Variants in CDK14 observed in about 807,000 individuals in gnomAD.
The protein encoded by CDK14 is cyclin-dependent kinase 14.
CDK14 carries 34 observed loss-of-function variants against 60.7 expected under a neutral mutation model. The observed-to-expected ratio is 0.56, with a 90% CI of 0.43 to 0.75. The LOEUF (loss-of-function observed/expected upper bound fraction) is 0.75, where lower values mean the gene tolerates loss of function less well. Among genes scored for constraint, CDK14 ranks in the 30% least tolerant of loss-of-function variants. The probability of loss-of-function intolerance (pLI) is 0.00; values close to 1 mark genes in which losing one functional copy is unlikely to be tolerated. For missense variants in CDK14, 482 were observed against 564.1 expected, an observed-to-expected ratio of 0.85 and a Z score of 1.47; for synonymous variants, 197 against 203.7, an observed-to-expected ratio of 0.97 and a Z score of 0.28.
chr7:91,139,777 T>TTTCTTTCC (rs1800391468), intron 14 of CDK14, among the ~76,000 whole-genome samples: 1 of 95,122 alleles, frequency 1.1e-5, no homozygotes, highest in Non-Finnish European at 2.5e-5. Flanking sequence ...TCTTTTCTTT[T>TTTCTTTCC]TTTCTTTCCT....
intron 10 of CDK14, among the ~76,000 whole-genome samples, chr7:91,008,145 AC>A (rs367589488): frequency 0.048 from 6,391 of 133,430 alleles, 723 homozygotes; most frequent in African/African-American, 0.057. Flanking sequence ...AAAAAAAAAA[AC>A]AAACAAAAAA....
At chr7:90,730,530 G>A (rs1802821095) in intron 3 of CDK14, among the ~76,000 whole-genome samples, 1 of 151,956 alleles carries the variant, frequency 6.6e-6, no homozygotes, top group Admixed American at 6.5e-5. Context: ...GTTTCCTGAT[G>A]TTTCAATGAT....
intron 2 of CDK14, among the ~76,000 whole-genome samples, chr7:90,724,960 G>A (rs183617220): frequency 6.6e-6 from 1 of 151,932 alleles, no homozygotes; most frequent in African/African-American, 2.4e-5. Flanking sequence ...ATGACTAGAG[G>A]ACTCTGCCTT....
intron 2 of CDK14, chr7:90,716,275 G>C (rs1342260743): frequency 6.6e-6 from 1 of 151,918 alleles, no homozygotes. Flanking sequence ...CACCAAAGGA[G>C]GACCTGTTTT....
chr7:90,786,456 TTA>T (rs1805586439), intron 4 of CDK14, among the ~76,000 whole-genome samples: 1 of 152,234 alleles, frequency 6.6e-6, no homozygotes, highest in Admixed American at 6.5e-5. Context: ...AACGTTTGAA[TTA>T]TATGTTTGAA....
At chr7:90,864,174 T>A (rs1030911105) in intron 6 of CDK14, among the ~76,000 whole-genome samples, 35 of 152,270 alleles carry the variant, frequency 2.3e-4, no homozygotes, top group Admixed American at 2.0e-3. Context: ...ATTTTGCTTA[T>A]GTCTGCCTGT....
chr7:91,048,970 G>A (rs1797313072), intron 11 of CDK14, among the ~76,000 whole-genome samples: 1 of 152,020 alleles, frequency 6.6e-6, no homozygotes, highest in Non-Finnish European at 1.5e-5. Context: ...GACCTTCCAG[G>A]TTCAAGTGAT....
intron 9 of CDK14, among the ~76,000 whole-genome samples, chr7:90,963,124 T>TGTGTGTGTG (rs1562847414): frequency 4.6e-5 from 7 of 150,672 alleles, no homozygotes; most frequent in South Asian, 2.1e-4. Context: ...TGTGTGTGTG[T>TGTGTGTGTG]TTTAATTTAG....
chr7:90,941,082 G>T (rs1057056786), intron 8 of CDK14, among the ~76,000 whole-genome samples: 14 of 152,176 alleles, frequency 9.2e-5, no homozygotes, highest in African/African-American at 3.4e-4. Flanking sequence ...AAAGTGCTGG[G>T]TGACAAATCA....
At chr7:90,762,707 C>A (rs922352450) in intron 4 of CDK14, among the ~76,000 whole-genome samples, 3 of 151,962 alleles carry the variant, frequency 2.0e-5, no homozygotes, top group Non-Finnish European at 4.4e-5. Context: ...GCTGGAAGGC[C>A]CGGTGTGGTG....
chr7:90,879,330 T>C (rs536641956), intron 6 of CDK14, among the ~76,000 whole-genome samples: 1 of 152,210 alleles, frequency 6.6e-6, no homozygotes, highest in Non-Finnish European at 1.5e-5. Context: ...TCATTCCAAA[T>C]CATTAAATGC....
intron 14 of CDK14, among the ~76,000 whole-genome samples, chr7:91,184,886 G>A (rs1336262048): frequency 1.3e-5 from 2 of 151,878 alleles, no homozygotes; most frequent in Non-Finnish European, 2.9e-5. Flanking sequence ...CAGGCAGTAG[G>A]GTTGGGGTCG....
chr7:91,023,401 A>G (rs1007227412), intron 10 of CDK14, among the ~76,000 whole-genome samples: 2 of 152,186 alleles, frequency 1.3e-5, no homozygotes, highest in African/African-American at 4.8e-5. Context: ...TCAAAGAGAC[A>G]ATTTCTACTG....
chr7:90,985,008 A>G lies in CDK14; in HGVS notation c.1041+767A>G, dbSNP rs193105185. 2.7e-3 allele frequency among the ~76,000 whole-genome samples: 411 copies of G among 152,322 alleles called. 5 individuals carry two copies. Among genetic ancestry groups the G allele is most frequent in the Non-Finnish European group, 2.1e-3 (146 of 68,026 alleles). On this transcript the variant is annotated intron_variant, in intron 10 of 14. Transcript: ENST00000380050. ...TGAAATACTAGAAAGGAAAAACATT[A>G]TTAAGTATGTTGTTAATATCAATAT...
chr7:91,009,002 C>T (rs142239189), intron 10 of CDK14, among the ~76,000 whole-genome samples: 4 of 151,164 alleles, frequency 2.6e-5, no homozygotes, highest in Non-Finnish European at 5.9e-5. Flanking sequence ...TCCTTGTAGT[C>T]CCCCCTTTCC....
intron 4 of CDK14, among the ~76,000 whole-genome samples, chr7:90,778,434 C>T (rs1308612340): frequency 6.6e-6 from 1 of 152,214 alleles, no homozygotes; most frequent in African/African-American, 2.4e-5. Context: ...AAGTTTCACC[C>T]AGAGCCCCAC....
intron 14 of CDK14, among the ~76,000 whole-genome samples, chr7:91,166,951 T>C (rs1051585179): frequency 6.6e-6 from 1 of 152,246 alleles, no homozygotes; most frequent in Admixed American, 6.5e-5. Flanking sequence ...TTTTCAGTTC[T>C]TTCTCACCTA....
intron 2 of CDK14, among the ~76,000 whole-genome samples, chr7:90,659,316 A>G (rs1800813566): frequency 6.6e-6 from 1 of 152,214 alleles, no homozygotes; most frequent in African/African-American, 2.4e-5. Flanking sequence ...AAGCAAGACA[A>G]TAATCCCTGT....
chr7:90,650,548 A>C (rs1800611198), intron 2 of CDK14, among the ~76,000 whole-genome samples: 1 of 152,196 alleles, frequency 6.6e-6, no homozygotes, highest in South Asian at 2.1e-4. Context: ...TACGTCCTGA[A>C]TGGTATTGCC....
Sources: gnomAD v4.1 joint callset for allele counts (sites outside exome capture counted in the v4.1 genomes callset) on GRCh38, gnomAD v4.1.1 for gene constraint, MANE v1.5 for transcripts, NCBI Gene and HGNC (gene_info 2026-07-23, HGNC 2026-07-21) for gene names.